The following TMPRSS15 variants were observed in gnomAD, a reference collection of about 807,000 sequenced individuals.
TMPRSS15 encodes enteropeptidase.
In TMPRSS15, 128 loss-of-function variants were observed where a neutral mutation model predicts 125.3. The observed-to-expected ratio is 1.02, with a 90% CI of 0.89 to 1.18. The LOEUF (loss-of-function observed/expected upper bound fraction) is 1.18, where lower values mean the gene tolerates loss of function less well. Ranked by LOEUF, TMPRSS15 falls within the 50% of genes most tolerant of loss-of-function variation. The pLI, the probability that TMPRSS15 is intolerant of heterozygous loss-of-function variation, is 0.00. For synonymous variants in TMPRSS15, 446 were observed against 423.2 expected (o/e 1.05, Z -0.66); for missense variants, 1,283 against 1,212.7 (o/e 1.06, Z -0.86).
chr21:18,359,857 GT>G lies in TMPRSS15; in HGVS notation c.779del (p.Asn260ThrfsTer8), dbSNP rs760665103. The G allele has an allele frequency of 1.4e-6, 2 of 1,471,558 alleles. No homozygotes were observed. The highest frequency in any genetic ancestry group is 1.9e-6 in the Non-Finnish European group (2 of 1,052,902). The allele number at this position is 1,471,558 out of a possible 1,614,324, so 91.2% of individuals were successfully genotyped here. On this transcript the variant is annotated frameshift_variant, in exon 8 of 25. Transcript: ENST00000284885. LOFTEE classifies it high-confidence loss of function. ...AGCTCAGTTTAATGGAAAGTCCTTG[GT>G]TTACACTAAATTAAAAGCAAAAAAT... Reference protein sequence around the residue: ...SVVCQWIIRVNQGLSIKLSFD... With the variant: ...SVVCQWIIRVXQGLSIKLSFD...
upstream of TMPRSS15, among the ~76,000 whole-genome samples, chr21:18,407,904 TAAAG>T (rs2076156629): frequency 6.6e-6 from 1 of 152,138 alleles, no homozygotes; most frequent in East Asian, 1.9e-4. Context: ...ATCACTAACT[TAAAG>T]AAAATTTCAG....
In TMPRSS15 at chr21:18,296,719, T is replaced by G. The variant is rs551204403; in HGVS notation, c.2261+1015A>C. On this transcript the variant is annotated intron_variant, in intron 19 of 24. Transcript: ENST00000284885. The stretch of plus-strand genomic sequence containing the variant: ...TCAGGATCTATATGGTAATATAAAT[T>G]TAGACACGCCTTACAGGAAAGGAAA... 1.1e-3 allele frequency among the ~76,000 whole-genome samples: 173 copies of G among 152,334 alleles called. 1 individual carries two copies. The highest frequency in any genetic ancestry group is 4.0e-3 in the African/African-American group (167 of 41,586).
At chr21:18,412,080 G>C (rs1031133395) in intron 1 of TMPRSS15, among the ~76,000 whole-genome samples, 1 of 152,118 alleles carries the variant, frequency 6.6e-6, no homozygotes, top group African/African-American at 2.4e-5. Context: ...GAAATCCCCT[G>C]TGTATCCAGA....
At chr21:18,326,883 T>C (rs2075297451) in intron 15 of TMPRSS15, among the ~76,000 whole-genome samples, 2 of 152,360 alleles carry the variant, frequency 1.3e-5, no homozygotes, top group South Asian at 4.1e-4. Context: ...GACAAATGAC[T>C]GACTACTTAT....
At chr21:18,441,079 G>A (rs1409692256) in intron 1 of TMPRSS15, among the ~76,000 whole-genome samples, 3 of 150,054 alleles carry the variant, frequency 2.0e-5, no homozygotes, top group Admixed American at 6.7e-5. Flanking sequence ...GATCACCTGA[G>A]GTCAGGAGTT....
At chr21:18,283,070 G>T (rs61592779) in intron 21 of TMPRSS15, among the ~76,000 whole-genome samples, 6,659 of 152,170 alleles carry the variant, frequency 0.044, 407 homozygotes, top group African/African-American at 0.14. Flanking sequence ...AGAGGTCTTC[G>T]TGCTTTCTCT....
intron 13 of TMPRSS15, among the ~76,000 whole-genome samples, chr21:18,337,775 C>T (rs1450335069): frequency 6.6e-6 from 1 of 152,116 alleles, no homozygotes; most frequent in East Asian, 1.9e-4. Context: ...GCCATGGTTT[C>T]CTTTTATTAC....
intron 22 of TMPRSS15, among the ~76,000 whole-genome samples, chr21:18,280,559 G>A (rs1341010117): frequency 8.5e-6 from 1 of 118,208 alleles, no homozygotes; most frequent in Non-Finnish European, 1.6e-5. Context: ...CTGGGCAACA[G>A]AGCGAGACTC....
chr21:18,329,522 A>T (rs928695754), intron 14 of TMPRSS15, among the ~76,000 whole-genome samples: 2 of 151,520 alleles, frequency 1.3e-5, no homozygotes, highest in African/African-American at 4.8e-5. Context: ...ATTAAATTTG[A>T]AATTAGTATA....
intron 10 of TMPRSS15, among the ~76,000 whole-genome samples, chr21:18,347,577 G>T (rs1164981470): frequency 6.6e-6 from 1 of 152,032 alleles, no homozygotes; most frequent in East Asian, 1.9e-4. Flanking sequence ...AAACTTGCTA[G>T]AACTTTTGGA....
At chr21:18,365,645 TCCTC>T (rs1157854346) in intron 6 of TMPRSS15, among the ~76,000 whole-genome samples, 5,702 of 102,844 alleles carry the variant, frequency 0.055, 616 homozygotes, top group Non-Finnish European at 0.078. Context: ...TCTCTCTTTT[TCCTC>T]CCTTCCTTCC....
intron 1 of TMPRSS15, among the ~76,000 whole-genome samples, chr21:18,481,271 G>C (rs1305403543): frequency 6.6e-6 from 1 of 151,672 alleles, no homozygotes; most frequent in Non-Finnish European, 1.5e-5. Context: ...TGACTTACTT[G>C]CAAATTACTG....
chr21:18,434,196 A>G (rs1377698544), intron 1 of TMPRSS15, among the ~76,000 whole-genome samples: 2 of 152,186 alleles, frequency 1.3e-5, no homozygotes, highest in Non-Finnish European at 2.9e-5. Context: ...AGGAAGACTC[A>G]CCATAATCTA....
In TMPRSS15 at chr21:18,343,654, T is replaced by TAAGAGA; in HGVS notation, c.1279_1280insTCTCTT (p.Trp426_Tyr427insPheSer). ...ATGGACATTTTCACCATACATATGA[T>TAAGAGA]ACCTAGTTTGGAAAGAAGCAAAAAT... On this transcript the variant is annotated inframe_insertion and splice_region_variant, in exon 12 of 25. Coordinates refer to ENST00000284885, the MANE Select transcript of TMPRSS15 (RefSeq NM_002772.3). 1 of 1,613,452 alleles carries TAAGAGA rather than the reference T, an allele frequency of 6.2e-7. No homozygotes were observed. The highest frequency in any genetic ancestry group is 8.5e-7 in the Non-Finnish European group (1 of 1,179,660).
At chr21:18,468,594 A>T (rs547173528) in intron 1 of TMPRSS15, among the ~76,000 whole-genome samples, 42 of 152,250 alleles carry the variant, frequency 2.8e-4, no homozygotes, top group Admixed American at 2.7e-3. Context: ...TATTTCTACA[A>T]ACTTTTATTA....
intron 1 of TMPRSS15, among the ~76,000 whole-genome samples, chr21:18,475,015 G>A (rs1978851149): frequency 6.6e-6 from 1 of 152,138 alleles, no homozygotes; most frequent in South Asian, 2.1e-4. Context: ...ATAATATAGA[G>A]TGCCCCCACT....
chr21:18,368,299 G>A (rs1289588554), intron 6 of TMPRSS15, among the ~76,000 whole-genome samples: 2 of 152,146 alleles, frequency 1.3e-5, no homozygotes, highest in African/African-American at 4.8e-5. Flanking sequence ...TTTCAAAGAT[G>A]GTTCTATGTT....
chr21:18,364,734 A>T (rs2075709677), intron 7 of TMPRSS15, among the ~76,000 whole-genome samples: 1 of 152,210 alleles, frequency 6.6e-6, no homozygotes, highest in Admixed American at 6.5e-5. Flanking sequence ...GCTGTAACTG[A>T]ATCACACCTT....
chr21:18,371,211 A>G (rs1181616080), intron 6 of TMPRSS15, among the ~76,000 whole-genome samples: 1 of 152,150 alleles, frequency 6.6e-6, no homozygotes, highest in Non-Finnish European at 1.5e-5. Context: ...TCACTAATAA[A>G]ATAGAACAAT....
Sources: allele counts gnomAD v4.1 joint callset (sites outside exome capture counted in the v4.1 genomes callset), GRCh38; gene constraint gnomAD v4.1.1; transcripts MANE v1.5; gene names NCBI Gene and HGNC (gene_info 2026-07-23, HGNC 2026-07-21).